Variants in UHRF2 observed in about 807,000 individuals in gnomAD.
UHRF2 encodes E3 ubiquitin-protein ligase UHRF2.
UHRF2 carries 23 observed loss-of-function variants against 96.8 expected under a neutral mutation model. That is an observed-to-expected ratio of 0.24 (90% CI 0.17 to 0.34). UHRF2 has a LOEUF of 0.34. Among genes scored for constraint, UHRF2 ranks in the 10% least tolerant of loss-of-function variants. The pLI is 1.00. For synonymous variants in UHRF2, 385 were observed against 332.6 expected (o/e 1.16, Z -1.72); for missense variants, 685 against 981.5 (o/e 0.70, Z 4.04).
At chr9:6,437,112 TA>T (rs1256350223) in intron 3 of UHRF2, among the ~76,000 whole-genome samples, 10 of 152,224 alleles carry the variant, frequency 6.6e-5, no homozygotes, top group Admixed American at 5.9e-4. Context: ...AAAAATGAAT[TA>T]TAAAATATAA....
chr9:6,464,879 AT>A (rs1822766613), intron 4 of UHRF2, among the ~76,000 whole-genome samples: 1 of 152,038 alleles, frequency 6.6e-6, no homozygotes, highest in African/African-American at 2.4e-5. Context: ...TTCCATTTGA[AT>A]TTTGCAGTCA....
chr9:6,465,972 CAT>C (rs996077979), intron 4 of UHRF2, among the ~76,000 whole-genome samples: 1 of 152,164 alleles, frequency 6.6e-6, no homozygotes, highest in African/African-American at 2.4e-5. Context: ...GATTCAAAAA[CAT>C]TTTTTAAAAT....
At chr9:6,466,630 A>T (rs76982344) in intron 4 of UHRF2, among the ~76,000 whole-genome samples, 1 of 149,720 alleles carries the variant, frequency 6.7e-6, no homozygotes, top group African/African-American at 2.5e-5. Flanking sequence ...TATTTACTAA[A>T]TTTTTTTCAT....
At chr9:6,474,782 G>A (rs1160074379) in intron 4 of UHRF2, among the ~76,000 whole-genome samples, 1 of 152,096 alleles carries the variant, frequency 6.6e-6, no homozygotes, top group South Asian at 2.1e-4. Flanking sequence ...CTTTGAAGAA[G>A]TATATACAAA....
chr9:6,487,090 A>T (rs1469780565), intron 9 of UHRF2, among the ~76,000 whole-genome samples, 165 bp downstream of exon 9: 2 of 148,974 alleles, frequency 1.3e-5, no homozygotes, highest in Non-Finnish European at 3.0e-5. Flanking sequence ...GACAGTGTTT[A>T]TTCTTTACAT....
At chr9:6,497,777 G>A (rs560777753) in intron 11 of UHRF2, among the ~76,000 whole-genome samples, 38 of 152,220 alleles carry the variant, frequency 2.5e-4, no homozygotes, top group African/African-American at 8.4e-4. Flanking sequence ...ACAAAATTCT[G>A]TTAATTAGCA....
At chr9:6,450,675 C>T (rs1821804190) in intron 3 of UHRF2, among the ~76,000 whole-genome samples, 1 of 152,158 alleles carries the variant, frequency 6.6e-6, no homozygotes, top group Non-Finnish European at 1.5e-5. Flanking sequence ...TATGAACTTC[C>T]AGTGCCTTTT....
intron 3 of UHRF2, among the ~76,000 whole-genome samples, chr9:6,457,223 A>G (rs1161778338): frequency 6.6e-6 from 1 of 152,062 alleles, no homozygotes; most frequent in Non-Finnish European, 1.5e-5. Flanking sequence ...GGTCCTTCAC[A>G]TCCCTTGTGA....
intron 1 of UHRF2, among the ~76,000 whole-genome samples, chr9:6,418,658 A>G (rs1012834090): frequency 6.6e-6 from 1 of 152,210 alleles, no homozygotes; most frequent in African/African-American, 2.4e-5. Context: ...GAGCAATTTA[A>G]AAATTGATTA....
At chr9:6,452,391 A>G (rs555960313) in intron 3 of UHRF2, among the ~76,000 whole-genome samples, 4 of 152,358 alleles carry the variant, frequency 2.6e-5, no homozygotes, top group African/African-American at 9.6e-5. Context: ...GGAAAATACC[A>G]CTTTGTATTT....
chr9:6,434,370 G>T, intron 3 of UHRF2, 197 bp downstream of exon 3: 1 of 577,336 alleles, frequency 1.7e-6, no homozygotes, highest in Non-Finnish European at 2.9e-6. Flanking sequence ...GTTCTTAAGT[G>T]GTTTATTTTT....
chr9:6,414,426 C>CAT (rs1264248335), intron 1 of UHRF2, among the ~76,000 whole-genome samples: 2 of 152,232 alleles, frequency 1.3e-5, no homozygotes, highest in Non-Finnish European at 2.9e-5. Context: ...ACGCTTTAAG[C>CAT]ATAGCACTGC....
At chr9:6,497,397 TC>T in intron 11 of UHRF2, 37 bp downstream of exon 11, 1 of 1,603,918 alleles carries the variant, frequency 6.2e-7, no homozygotes, top group Non-Finnish European at 8.5e-7. Context: ...TTGTCATTCT[TC>T]CTGGGCTTTC....
chr9:6,441,634 C>T (rs1216128756), intron 3 of UHRF2, among the ~76,000 whole-genome samples: 1 of 151,908 alleles, frequency 6.6e-6, no homozygotes, highest in Non-Finnish European at 1.5e-5. Flanking sequence ...TGATATATGA[C>T]AGTTTAACTA....
chr9:6,413,900 C>A, intron 1 of UHRF2: 1 of 368,912 alleles, frequency 2.7e-6, no homozygotes. Context: ...AATATCTCGC[C>A]GTTTGTATTT....
intron 1 of UHRF2, 147 bp downstream of exon 1, chr9:6,413,790 GT>G: frequency 9.4e-7 from 1 of 1,069,486 alleles, no homozygotes; most frequent in Non-Finnish European, 1.2e-6. Context: ...GAGGCGCGGG[GT>G]GCGGGGCCCA....
rs148589979 is a variant in UHRF2, at chr9:6,438,662, C to T, written c.644+4489C>T. Among the ~76,000 whole-genome samples, 943 of 152,244 alleles carry T rather than the reference C, an allele frequency of 6.2e-3. 8 individuals are homozygous for T. Among genetic ancestry groups the T allele is most frequent in the African/African-American group, 0.021 (883 of 41,546 alleles). ...TACATGAGATGAAAGAAACCTGCCT[C>T]TGGAATTATTCTGGGGTATGCAATG... On this transcript the variant is annotated intron_variant, in intron 3 of 15. Coordinates refer to ENST00000276893, the MANE Select transcript of UHRF2 (RefSeq NM_152896.3).
intron 3 of UHRF2, among the ~76,000 whole-genome samples, chr9:6,447,509 A>C (rs1214005638): frequency 1.3e-5 from 2 of 152,334 alleles, no homozygotes; most frequent in South Asian, 2.1e-4. Context: ...AAGGATAAAG[A>C]AGCAGAAAAT....
Position 6,506,295 on chromosome 9 carries a change from A to C in UHRF2, c.*116A>C. On this transcript the variant is annotated 3_prime_UTR_variant, in exon 16 of 16. Coordinates refer to ENST00000276893, the MANE Select transcript of UHRF2 (RefSeq NM_152896.3). ...TATCTCTCACGTTCTGAAGCAGCTA[A>C]TCCTCTTTCCCACATAGCCATCATC... The C allele has an allele frequency of 7.4e-7, 1 of 1,355,044 alleles. No individual in the cohort carries two copies. The highest frequency in any genetic ancestry group is 1.0e-6 in the Non-Finnish European group (1 of 996,536). The allele number at this position is 1,355,044 out of a possible 1,614,324, so 83.9% of individuals were successfully genotyped here.
Sources: allele counts gnomAD v4.1 joint callset (sites outside exome capture counted in the v4.1 genomes callset), GRCh38; gene constraint gnomAD v4.1.1; transcripts MANE v1.5; gene names NCBI Gene and HGNC (gene_info 2026-07-23, HGNC 2026-07-21).